Variants in NAV3 observed in about 807,000 individuals in gnomAD.
NAV3 encodes the protein pore membrane and/or filament interacting like protein 1.
NAV3 carries 87 observed loss-of-function variants against 244.7 expected under a neutral mutation model. That is an observed-to-expected ratio of 0.36 (90% CI 0.30 to 0.42). The LOEUF is 0.42. NAV3 is among the 20% of genes least tolerant of loss of function. The probability of loss-of-function intolerance (pLI) is 1.00; values close to 1 mark genes in which losing one functional copy is unlikely to be tolerated. For synonymous variants in NAV3, 1,126 were observed against 1,042.2 expected (o/e 1.08, Z -1.55); for missense variants, 2,663 against 2,893.3 (o/e 0.92, Z 1.83).
chr12:77,844,862 C>T (rs1189626766), intron 1 of NAV3, among the ~76,000 whole-genome samples: 1 of 152,148 alleles, frequency 6.6e-6, no homozygotes, highest in African/African-American at 2.4e-5. Flanking sequence ...GAGTCCTTTA[C>T]TCCAACTGTG....
chr12:77,696,873 C>G (rs1417443551), intron 2 of NAV3, among the ~76,000 whole-genome samples: 1 of 152,134 alleles, frequency 6.6e-6, no homozygotes, highest in East Asian at 1.9e-4. Flanking sequence ...GAGTTTGACT[C>G]ATGTACATTT....
intron 2 of NAV3, among the ~76,000 whole-genome samples, chr12:77,751,708 G>A (rs147236281): frequency 5.7e-4 from 87 of 152,210 alleles, no homozygotes; most frequent in Non-Finnish European, 9.4e-4. Flanking sequence ...CATGAGAATG[G>A]ACTAATACAT....
intron 2 of NAV3, among the ~76,000 whole-genome samples, chr12:77,779,142 A>G (rs1244817928): frequency 6.6e-6 from 1 of 152,346 alleles, no homozygotes; most frequent in East Asian, 1.9e-4. Context: ...TGTTTCCGCT[A>G]CAAATATTGG....
chr12:77,994,920 A>AT, intron 6 of NAV3, 49 bp downstream of exon 6: 1 of 1,288,850 alleles, frequency 7.8e-7, no homozygotes, highest in Non-Finnish European at 1.1e-6. Flanking sequence ...ATGCAAATAA[A>AT]TACCCAGTGA....
chr12:77,711,604 AG>A (rs1876116266), intron 2 of NAV3, among the ~76,000 whole-genome samples: 1 of 152,194 alleles, frequency 6.6e-6, no homozygotes, highest in Admixed American at 6.5e-5. Flanking sequence ...GAGCAGCTAA[AG>A]GGCAGGTGCC....
At chr12:78,198,535 C>A in intron 35 of NAV3, 70 bp from the exon 36 acceptor site, 2 of 931,586 alleles carry the variant, frequency 2.1e-6, no homozygotes, top group Non-Finnish European at 1.7e-6. Context: ...AGTAGTTTTC[C>A]AAGATAATTT....
chr12:78,100,702 A>G (rs776789256), intron 12 of NAV3, among the ~76,000 whole-genome samples: 2 of 152,176 alleles, frequency 1.3e-5, no homozygotes, highest in East Asian at 1.9e-4. Context: ...TTAGCACTCT[A>G]TATAAAATCC....
At chr12:77,968,748 A>C (rs373629246) in intron 5 of NAV3, 46 bp downstream of exon 5, 3 of 1,566,106 alleles carry the variant, frequency 1.9e-6, no homozygotes, top group Non-Finnish European at 2.6e-6. Context: ...GTTTGTGTAG[A>C]TACAACTTGT....
intron 12 of NAV3, among the ~76,000 whole-genome samples, chr12:78,083,166 C>A (rs1398369793): frequency 6.6e-6 from 1 of 152,160 alleles, no homozygotes; most frequent in African/African-American, 2.4e-5. Context: ...CAGTGCAGGG[C>A]ATCACATGGT....
At chr12:77,961,603 TTGA>T (rs2137856480) in intron 3 of NAV3, among the ~76,000 whole-genome samples, 2 of 136,602 alleles carry the variant, frequency 1.5e-5, no homozygotes, top group African/African-American at 5.5e-5. Context: ...ATATATATAT[TTGA>T]ATATATATTA....
rs1348716971 is a variant in NAV3, at chr12:77,672,909, G to GT, written c.72+100644dup. ...AACTATATGACTATTTTGAAGGATAGTAAGAGATGAGGAAAATAACAACTA... is the reference window on the plus strand; with the variant it reads ...AACTATATGACTATTTTGAAGGATAGTTAAGAGATGAGGAAAATAACAACTA... On this transcript the variant is annotated intron_variant, in intron 2 of 8. Transcript: ENST00000550042. 8.5e-5 allele frequency among the ~76,000 whole-genome samples: 13 copies of GT among 152,278 alleles called. No individual in the cohort carries two copies. In the South Asian group the frequency reaches 2.3e-3, roughly 27 times the overall value.
At chr12:78,193,027 T>C (rs181535179) in intron 34 of NAV3, among the ~76,000 whole-genome samples, 2 of 152,222 alleles carry the variant, frequency 1.3e-5, no homozygotes, top group East Asian at 3.9e-4. Context: ...TAATGAGGCA[T>C]GAAATAATAA....
At position 77,654,846 on chromosome 12, in the gene NAV3, CAG is replaced by C. The variant is rs547898693; in HGVS notation, c.72+82581_72+82582del. Among the ~76,000 whole-genome samples the C allele has an allele frequency of 2.1e-3, 322 of 151,456 alleles. 1 individual carries two copies. The highest frequency in any genetic ancestry group is 7.5e-3 in the African/African-American group (308 of 40,952). ...ACACCACTGCTAATACCCAGGCAAA[CAG>C]GGTCTGGAGTGGACCTCTAGCAAAC... On this transcript the variant is annotated intron_variant, in intron 2 of 8. Coordinates refer to the NAV3 transcript ENST00000550042.
intron 38 of NAV3, among the ~76,000 whole-genome samples, chr12:78,201,569 T>A (rs1160421533): frequency 4.6e-5 from 7 of 152,060 alleles, no homozygotes; most frequent in Non-Finnish European, 1.5e-5. Flanking sequence ...TGAAAATGTA[T>A]CACTAAAAAA....
At chr12:77,662,963 G>C (rs1273999752) in intron 2 of NAV3, among the ~76,000 whole-genome samples, 6 of 151,968 alleles carry the variant, frequency 3.9e-5, no homozygotes, top group Non-Finnish European at 8.8e-5. Context: ...CTTACTGTCA[G>C]GCTTTGATTT....
intron 2 of NAV3, among the ~76,000 whole-genome samples, chr12:77,633,716 C>A (rs986587706): frequency 6.6e-6 from 1 of 152,014 alleles, no homozygotes; most frequent in Non-Finnish European, 1.5e-5. Flanking sequence ...TTAGATAATT[C>A]TTCTTGTAAA....
chr12:77,768,717 G>A (rs1869918410), intron 2 of NAV3, among the ~76,000 whole-genome samples: 1 of 152,184 alleles, frequency 6.6e-6, no homozygotes, highest in Non-Finnish European at 1.5e-5. Context: ...GCTACAGCTG[G>A]AGAGCTGAAG....
intron 12 of NAV3, among the ~76,000 whole-genome samples, chr12:78,071,683 T>C (rs1952777569): frequency 6.6e-6 from 1 of 152,182 alleles, no homozygotes; most frequent in South Asian, 2.1e-4. Flanking sequence ...GTTTCAGCTT[T>C]CTACATATGG....
intron 2 of NAV3, among the ~76,000 whole-genome samples, chr12:77,708,392 G>C (rs1395836329): frequency 6.6e-6 from 1 of 151,964 alleles, no homozygotes; most frequent in Admixed American, 6.6e-5. Context: ...ATTTCTGAGG[G>C]CTCTGTTCTG....
Sources: allele counts gnomAD v4.1 joint callset (sites outside exome capture counted in the v4.1 genomes callset), GRCh38; gene constraint gnomAD v4.1.1; transcripts MANE v1.5; gene names NCBI Gene and HGNC (gene_info 2026-07-23, HGNC 2026-07-21).